FHDC1: variants seen among roughly 807,000 people sequenced by gnomAD.
The protein encoded by FHDC1 is FH2 domain-containing protein 1.
In FHDC1, 25 loss-of-function variants were observed where a neutral mutation model predicts 52.6. The observed-to-expected ratio is 0.48, with a 90% CI of 0.35 to 0.66. The LOEUF is 0.66. Ranked by LOEUF, FHDC1 falls within the 30% of genes least tolerant of loss-of-function variation. The probability of loss-of-function intolerance (pLI) is 0.01; values close to 1 mark genes in which losing one functional copy is unlikely to be tolerated. For missense variants in FHDC1, 1,459 were observed against 1,452.8 expected (o/e 1.00, Z -0.07); for synonymous variants, 616 against 581.5 (o/e 1.06, Z -0.85).
chr4:152,962,943 GTGT>G, intron 7 of FHDC1, 59 bp downstream of exon 7: 1 of 902,632 alleles, frequency 1.1e-6, no homozygotes, highest in Non-Finnish European at 1.6e-6. Flanking sequence ...ATCTAAAGGT[GTGT>G]GTGTGTGTGT....
chr4:152,936,865 C>T (rs2149932028), intron 1 of FHDC1, among the ~76,000 whole-genome samples: 1 of 152,390 alleles, frequency 6.6e-6, no homozygotes. Context: ...CGCGGCGCCG[C>T]GCTCGGTTCC....
At chr4:152,920,646 T>G in the FHDC1 span, among the ~76,000 whole-genome samples, 2 of 152,122 alleles carry the variant, frequency 1.3e-5, no homozygotes, top group African/African-American at 2.4e-5. Context: ...CAAATAAAAC[T>G]TATGGGAGCT....
intron 3 of FHDC1, 50 bp from the exon 4 acceptor site, chr4:152,954,167 T>C: frequency 3.3e-6 from 5 of 1,500,152 alleles, no homozygotes; most frequent in Non-Finnish European, 4.6e-6. Flanking sequence ...TGCACCTCTG[T>C]TGGCACTCCA....
At chr4:152,922,527 T>A in the FHDC1 span, among the ~76,000 whole-genome samples, 2 of 151,148 alleles carry the variant, frequency 1.3e-5, no homozygotes, top group Non-Finnish European at 3.0e-5. Context: ...ATCATCCTGA[T>A]ACCAAAGCCG....
chr4:152,976,064 C>G lies in FHDC1; in HGVS notation c.2773C>G (p.Arg925Gly), dbSNP rs770077946. Residue 925 changes from arginine to glycine, a missense_variant, in exon 12 of 12, where the codon CGG becomes GGG. Around this residue, in one of 3 missense-constraint regions of FHDC1, gnomAD observed 939 missense variants for 854.5 expected, o/e 1.10. Transcript: ENST00000511601. The part of the protein sequence containing the change: ...AGWRRPELSS[R>G]GPSQNPPSST... ...CTGGAGGCGACCAGAGCTGTCATCC[C>G]GGGGGCCCTCCCAGAATCCCCCCAG... 1 of 1,598,888 alleles carries G rather than the reference C, an allele frequency of 6.3e-7. No homozygotes were observed. The highest frequency in any genetic ancestry group is 1.3e-5 in the African/African-American group (1 of 74,490).
At chr4:152,919,489 G>A in the FHDC1 span, among the ~76,000 whole-genome samples, 1 of 152,196 alleles carries the variant, frequency 6.6e-6, no homozygotes, top group Non-Finnish European at 1.5e-5. Context: ...CAGTGAAGAT[G>A]GTCCTATCCA....
the FHDC1 span, among the ~76,000 whole-genome samples, chr4:152,915,777 C>T: frequency 6.6e-6 from 1 of 152,144 alleles, no homozygotes; most frequent in South Asian, 2.1e-4. Context: ...TAATGGAAAA[C>T]AGACTATTTC....
In FHDC1 at chr4:152,952,321, AAATC is replaced by A. The variant is rs1222280121; in HGVS notation, c.499-1177_499-1174del. On this transcript the variant is annotated intron_variant, in intron 2 of 11. Transcript: ENST00000511601. ...GAGTTGTTTTTTATTTTCTCAGTTC[AAATC>A]TCACGCGATTCTTGTTAGGCCAAGA... 9.9e-5 allele frequency among the ~76,000 whole-genome samples: 15 copies of A among 152,282 alleles called. No individual in the cohort carries two copies. The East Asian group carries it at 2.9e-3, about 30-fold the overall frequency.
Position 152,943,237 on chromosome 4 carries a change from A to ACCCCC in FHDC1, c.181_185dup (p.Pro64HisfsTer24). 6 of 970,876 alleles carry ACCCCC rather than the reference A, an allele frequency of 6.2e-6. No homozygotes were observed. The highest frequency in any genetic ancestry group is 3.3e-5 in the South Asian group (2 of 61,340). The allele number at this position is 970,876 out of a possible 1,614,324, so 60.1% of individuals were successfully genotyped here. ...AAGAGTGTCCTTCCTCCCCTCCTCC[A>ACCCCC]CCCCCACCACCTCCACTTCCTGGGG... is the stretch of plus-strand genomic sequence containing the variant. On this transcript the variant is annotated frameshift_variant, in exon 2 of 12. Transcript: ENST00000511601. LOFTEE classifies it high-confidence loss of function.
At chr4:152,969,369 C>A (rs79298807) in intron 10 of FHDC1, among the ~76,000 whole-genome samples, 3,646 of 152,296 alleles carry the variant, frequency 0.024, 154 homozygotes, top group African/African-American at 0.081. Flanking sequence ...TATTTTCCTT[C>A]AAGTAAAACC....
intron 2 of FHDC1, among the ~76,000 whole-genome samples, chr4:152,949,417 C>A (rs1739856635): frequency 6.6e-6 from 1 of 151,560 alleles, no homozygotes; most frequent in Non-Finnish European, 1.5e-5. Context: ...GAGTTTGAGG[C>A]TGCAGTGAGC....
At chr4:152,927,342 C>T in the FHDC1 span, 3,445 of 701,756 alleles carry the variant, frequency 4.9e-3, 88 homozygotes, top group African/African-American at 0.054. Flanking sequence ...CTCAGAATCC[C>T]GTTGTGGTTG....
At chr4:152,916,573 C>G in the FHDC1 span, among the ~76,000 whole-genome samples, 1 of 58,796 alleles carries the variant, frequency 1.7e-5, no homozygotes, top group Non-Finnish European at 4.6e-5. Context: ...TTCATAATAA[C>G]ATTAAAAAAA....
chr4:152,976,082 C>G lies in FHDC1; in HGVS notation c.2791C>G (p.Pro931Ala), dbSNP rs774567068. The change falls in exon 12 of 12, where the codon CCC becomes GCC. Residue 931 changes from proline to alanine, a missense_variant. Around this residue, in one of 3 missense-constraint regions of FHDC1, gnomAD observed 939 missense variants for 854.5 expected, o/e 1.10. Coordinates refer to ENST00000511601, the MANE Select transcript of FHDC1 (RefSeq NM_001371116.1). Reference protein sequence around the residue: ...ELSSRGPSQNPPSSTDTVWSR... With the variant: ...ELSSRGPSQNAPSSTDTVWSR... ...GTCATCCCGGGGGCCCTCCCAGAAT[C>G]CCCCCAGCAGCACAGATACTGTGTG... 6.2e-7 allele frequency: 1 copy of G among 1,604,156 alleles called. No individual in the cohort carries two copies. The highest frequency in any genetic ancestry group is 1.1e-5 in the South Asian group (1 of 89,946).
chr4:152,947,989 C>T (rs1739785479), intron 2 of FHDC1, among the ~76,000 whole-genome samples: 1 of 152,182 alleles, frequency 6.6e-6, no homozygotes, highest in Non-Finnish European at 1.5e-5. Flanking sequence ...CAGTCCAGAA[C>T]TGTAGAACTA....
chr4:152,928,591 G>A, the FHDC1 span, among the ~76,000 whole-genome samples: 7 of 152,192 alleles, frequency 4.6e-5, no homozygotes, highest in Non-Finnish European at 1.5e-5. Context: ...AGAAGTAAGG[G>A]CAGTTATTGG....
Position 152,975,947 on chromosome 4 carries a change from G to T in FHDC1, c.2656G>T (p.Ala886Ser). ...KPGSARRSQGAVAKSVRTLTA... is the reference protein window; with the variant it reads ...KPGSARRSQGSVAKSVRTLTA... ...CGGGAGCGCCCGGCGGAGCCAGGGG[G>T]CAGTGGCCAAGTCTGTGCGGACCCT... The change falls in exon 12 of 12, where the codon GCA (alanine) becomes TCA (serine). Residue 886 changes from alanine (A) to serine (S), a missense_variant. Physicochemically the swap from Ala to Ser is moderately conservative, Grantham distance 99. This residue lies in a region of FHDC1 where 939 missense variants were observed against 854.5 expected (regional missense o/e 1.10). Coordinates refer to ENST00000511601, the MANE Select transcript of FHDC1 (RefSeq NM_001371116.1). 2 of 1,514,900 alleles carry T rather than the reference G, an allele frequency of 1.3e-6. No homozygotes were observed. Among genetic ancestry groups the T allele is most frequent in the Non-Finnish European group, 1.8e-6 (2 of 1,133,868 alleles). 93.8% of individuals were successfully genotyped at this position (1,514,900 alleles called of 1,614,324 possible).
chr4:152,962,946 TGTGTGTGTGTG>T, intron 7 of FHDC1, 62 bp downstream of exon 7: 72 of 1,234,068 alleles, frequency 5.8e-5, no homozygotes, highest in Non-Finnish European at 7.8e-5. Context: ...TAAAGGTGTG[TGTGTGTGTGTG>T]TGTGTGTGTG....
At chr4:152,952,012 A>G (rs1739939370) in intron 2 of FHDC1, among the ~76,000 whole-genome samples, 1 of 152,238 alleles carries the variant, frequency 6.6e-6, no homozygotes, top group South Asian at 2.1e-4. Context: ...TCCTGATTCC[A>G]GAGATCAGAA....
Sources: gnomAD v4.1 joint callset for allele counts (sites outside exome capture counted in the v4.1 genomes callset) on GRCh38, gnomAD v4.1.1 for gene constraint, gnomAD v4.1.1 regional missense constraint, MANE v1.5 for transcripts, NCBI Gene and HGNC (gene_info 2026-07-23, HGNC 2026-07-21) for gene names.